Variants in SRPRA observed in about 807,000 individuals in gnomAD.
The protein encoded by SRPRA is signal recognition particle receptor subunit alpha.
A neutral mutation model predicts 61.1 loss-of-function variants in SRPRA; 30 were observed. The observed-to-expected ratio is 0.49, with a 90% CI of 0.37 to 0.67. SRPRA has a LOEUF of 0.67. SRPRA is among the 30% of genes least tolerant of loss of function. SRPRA has a pLI of 0.00. For missense variants in SRPRA, 759 were observed against 828.4 expected (o/e 0.92, Z 1.03); for synonymous variants, 324 against 299.7 (o/e 1.08, Z -0.84).
chr11:126,262,025 C>G (rs1010067579), downstream of SRPRA: 5 of 1,198,922 alleles, frequency 4.2e-6, no homozygotes, highest in Non-Finnish European at 6.1e-6. Flanking sequence ...GTCTTGCCTT[C>G]TGAAGGGTTA....
the SRPRA span, chr11:126,241,320 T>G: frequency 3.3e-6 from 1 of 307,402 alleles, no homozygotes; most frequent in African/African-American, 2.1e-5. Flanking sequence ...TTGAATTTAT[T>G]TTTTTCCTGC....
At chr11:126,236,182 C>T in the SRPRA span, among the ~76,000 whole-genome samples, 9 of 152,334 alleles carry the variant, frequency 5.9e-5, no homozygotes, top group East Asian at 1.7e-3. Context: ...TATCGATTCT[C>T]TGTTTGCTGG....
rs1950788241 is a variant in SRPRA at position 126,265,361 on chromosome 11, G to A, written c.1218C>T (p.Leu406=). The change falls in exon 10 of 14, where the codon CTC becomes CTT. Residue 406 remains leucine, a synonymous_variant. Transcript: ENST00000332118. This position sits in a 1 kb window ranked among gnomAD's most constrained non-coding sequence, Gnocchi z 6.3. ...GACGCTGGGCATCCATGATGTCCCG[G>A]AGCATGTCTACACGACGCTGTGGCT... The part of the protein sequence containing the change: ...ILQPQRRVDM[L]RDIMDAQRRQ... The A allele has an allele frequency of 1.2e-6, 2 of 1,613,486 alleles. No individual in the cohort carries two copies. Among genetic ancestry groups the A allele is most frequent in the Non-Finnish European group, 1.7e-6 (2 of 1,179,862 alleles).
At chr11:126,266,451 C>T in intron 6 of SRPRA, 25 bp downstream of exon 6, 1 of 1,606,662 alleles carries the variant, frequency 6.2e-7, no homozygotes, top group Non-Finnish European at 8.5e-7. Flanking sequence ...TGTTAAAGAT[C>T]ACTTTGACCC....
At chr11:126,238,755 A>G in the SRPRA span, among the ~76,000 whole-genome samples, 1 of 152,138 alleles carries the variant, frequency 6.6e-6, no homozygotes, top group Admixed American at 6.5e-5. Flanking sequence ...TTAGATGTAC[A>G]TGAACATTCC....
At position 126,268,817 on chromosome 11, in the gene SRPRA, A is replaced by T. The variant is rs762752487; in HGVS notation, c.-13T>A. On this transcript the variant is annotated 5_prime_UTR_variant, in exon 1 of 14. Transcript: ENST00000332118. Reference sequence around the variant, plus strand: ...AGAAGTCGAGCATGGCGGCAGCGGCAGAGGAGCTGGGGCCGGCGCCGGGAA... The same window carrying T: ...AGAAGTCGAGCATGGCGGCAGCGGCTGAGGAGCTGGGGCCGGCGCCGGGAA... 1 of 1,607,584 alleles carries T rather than the reference A, an allele frequency of 6.2e-7. No individual in the cohort carries two copies. The highest frequency in any genetic ancestry group is 8.5e-7 in the Non-Finnish European group (1 of 1,175,106).
the SRPRA span, among the ~76,000 whole-genome samples, chr11:126,245,472 A>T: frequency 6.6e-6 from 1 of 152,058 alleles, no homozygotes; most frequent in African/African-American, 2.4e-5. Context: ...AACAGAAGAA[A>T]ACTAGATAAA....
chr11:126,239,441 A>C, the SRPRA span, among the ~76,000 whole-genome samples: 20 of 152,252 alleles, frequency 1.3e-4, no homozygotes, highest in East Asian at 3.9e-3. Context: ...ATATTTGTTT[A>C]TGTGGATTTG....
At position 126,266,095 on chromosome 11, in the gene SRPRA, A is replaced by G. The variant is rs1313016862; in HGVS notation, c.933-14T>C. The G allele has an allele frequency of 1.9e-6, 3 of 1,613,548 alleles. No homozygotes were observed. In the African/African-American group the frequency reaches 4.0e-5, roughly 22 times the overall value. On this transcript the variant is annotated splice_polypyrimidine_tract_variant and intron_variant, in intron 7 of 13. Transcript: ENST00000332118. ...CCCTTGGTCGCACTGCAGGGACAGGAGATTACACATACACATAAAACCAGT... is the reference window on the plus strand; with the variant it reads ...CCCTTGGTCGCACTGCAGGGACAGGGGATTACACATACACATAAAACCAGT...
At position 126,264,761 on chromosome 11, in the gene SRPRA, C is replaced by T; in HGVS notation, c.1525+198G>A. 1 of 758,314 alleles carries T rather than the reference C, an allele frequency of 1.3e-6. No homozygotes were observed. Among genetic ancestry groups the T allele is most frequent in the Non-Finnish European group, 2.1e-6 (1 of 482,002 alleles). 47.0% of individuals were successfully genotyped at this position (758,314 alleles called of 1,614,324 possible). On this transcript the variant is annotated intron_variant, in intron 11 of 13. Coordinates refer to ENST00000332118, the MANE Select transcript of SRPRA (RefSeq NM_003139.4). The surrounding 1 kb of genome is among the most constrained non-coding windows in gnomAD (Gnocchi z 5.0). The stretch of plus-strand genomic sequence containing the variant: ...TGAAGGTGACCAAATTCAGGTTTCT[C>T]TGGTTAAGGTATATTAGCTTTGCCT...
In SRPRA at chr11:126,264,097, C is replaced by G. The variant is rs1224482863; in HGVS notation, c.1789-53G>C. ...AACACAAGCCCACTTTTCACTCACC[C>G]TCTCAGGAACAGGAAGCGCTGGAGC... On this transcript the variant is annotated intron_variant, in intron 13 of 13. Transcript: ENST00000332118. This position sits in a 1 kb window ranked among gnomAD's most constrained non-coding sequence, Gnocchi z 5.0. 20 of 1,613,178 alleles carry G rather than the reference C, an allele frequency of 1.2e-5. No homozygotes were observed. The highest frequency in any genetic ancestry group is 1.5e-5 in the Non-Finnish European group (18 of 1,179,500).
chr11:126,250,596 C>T, the SRPRA span: 1 of 1,613,988 alleles, frequency 6.2e-7, no homozygotes, highest in Non-Finnish European at 8.5e-7. This position sits in a 1 kb window ranked among gnomAD's most constrained non-coding sequence, Gnocchi z 5.1. Flanking sequence ...TTCTGGAAAA[C>T]AGCTACTTCA....
Position 126,265,211 on chromosome 11 carries a change from A to AT in SRPRA, c.1312-40dup, listed in dbSNP as rs769948410. 6.2e-7 allele frequency: 1 copy of AT among 1,613,874 alleles called. No homozygotes were observed. The highest frequency in any genetic ancestry group is 1.1e-5 in the South Asian group (1 of 91,084). ...GTAAGAAAAGTCACCTAAAGCCAGG[A>AT]TTTTGAGACACAAGAAGTACAGAAA... On this transcript the variant is annotated intron_variant, in intron 10 of 13. Coordinates refer to ENST00000332118, the MANE Select transcript of SRPRA (RefSeq NM_003139.4). This position sits in a 1 kb window ranked among gnomAD's most constrained non-coding sequence, Gnocchi z 6.3.
chr11:126,254,031 C>T, the SRPRA span, among the ~76,000 whole-genome samples: 1 of 152,198 alleles, frequency 6.6e-6, no homozygotes, highest in Admixed American at 6.5e-5. Context: ...GCCACCAGTG[C>T]AAAGGGTCCC....
chr11:126,256,512 G>C, the SRPRA span: 2 of 1,551,154 alleles, frequency 1.3e-6, no homozygotes, highest in Non-Finnish European at 1.8e-6. This position sits in a 1 kb window ranked among gnomAD's most constrained non-coding sequence, Gnocchi z 6.6. Flanking sequence ...TCTTGTTTCA[G>C]ACTTGCCTTG....
At chr11:126,258,643 T>C (rs1483043640), downstream of SRPRA, among the ~76,000 whole-genome samples, 1 of 152,236 alleles carries the variant, frequency 6.6e-6, no homozygotes, top group Non-Finnish European at 1.5e-5. Flanking sequence ...TGCAGTGTTC[T>C]AGACTCTCCT....
At chr11:126,262,201 G>A (rs1243645315), downstream of SRPRA, 12 of 1,552,734 alleles carry the variant, frequency 7.7e-6, no homozygotes, top group South Asian at 1.1e-5. Context: ...TGTTTAACAA[G>A]TAAACTTACA....
chr11:126,247,597 C>T, the SRPRA span, among the ~76,000 whole-genome samples: 4 of 152,180 alleles, frequency 2.6e-5, no homozygotes, highest in East Asian at 7.7e-4. Flanking sequence ...CGGTGGCTCA[C>T]GCCTGCAATC....
chr11:126,259,639 A>C (rs935148253), downstream of SRPRA, among the ~76,000 whole-genome samples: 1 of 151,000 alleles, frequency 6.6e-6, no homozygotes, highest in African/African-American at 2.4e-5. Flanking sequence ...GTTGGCCAGG[A>C]TGGTCTCGGT....
Sources: gnomAD v4.1 joint callset for allele counts (sites outside exome capture counted in the v4.1 genomes callset) on GRCh38, gnomAD v4.1.1 for gene constraint, Gnocchi (gnomAD v3.1) non-coding constraint, MANE v1.5 for transcripts, NCBI Gene and HGNC (gene_info 2026-07-23, HGNC 2026-07-21) for gene names.